PLCL1: variants seen among roughly 807,000 people sequenced by gnomAD.
PLCL1 encodes phospholipase C like 1 (inactive), also known as inactive phospholipase C-like protein 1.
PLCL1 carries 41 observed loss-of-function variants against 84.4 expected under a neutral mutation model. That is an observed-to-expected ratio of 0.49 (90% confidence interval 0.38 to 0.63). The LOEUF (loss-of-function observed/expected upper bound fraction) is 0.63, where lower values mean the gene tolerates loss of function less well. Ranked by LOEUF, PLCL1 falls within the 30% of genes least tolerant of loss-of-function variation. The pLI is 0.00. For synonymous variants in PLCL1, 490 were observed against 488.3 expected (o/e 1.00, Z -0.05); for missense variants, 1,206 against 1,367.8 (o/e 0.88, Z 1.87).
intron 1 of PLCL1, among the ~76,000 whole-genome samples, chr2:198,030,500 C>T (rs546352404): frequency 1.3e-5 from 2 of 152,078 alleles, no homozygotes; most frequent in East Asian, 1.9e-4. Context: ...GGGGTTTTTA[C>T]GAGCCTTCCC....
At chr2:197,893,997 G>A (rs1025797267) in intron 1 of PLCL1, among the ~76,000 whole-genome samples, 1 of 151,908 alleles carries the variant, frequency 6.6e-6, no homozygotes, top group Non-Finnish European at 1.5e-5. Flanking sequence ...AGCTCTGGGA[G>A]AAGGGTGATG....
Position 198,088,914 on chromosome 2 carries a change from G to A in PLCL1, c.2772G>A (p.Lys924=), listed in dbSNP as rs1692951192. 1 of 1,612,984 alleles carries A rather than the reference G, an allele frequency of 6.2e-7. No individual in the cohort carries two copies. Among genetic ancestry groups the A allele is most frequent in the Non-Finnish European group, 8.5e-7 (1 of 1,179,052 alleles). Residue 924 remains lysine (K), a synonymous_variant, in exon 3 of 6, where the codon AAG becomes AAA. Transcript: ENST00000428675. ...LCGLPPIASL[K]QCLLTLSSRL... ...GACTCCCTCCAATTGCCAGTCTGAA[G>A]CAGTGCCTGTTAACTCTGTCATCTC...
In PLCL1 at chr2:198,085,859, C is replaced by G; in HGVS notation, c.2342C>G (p.Thr781Ser). Residue 781 changes from threonine (T) to serine (S), a missense_variant, in exon 2 of 6, where the codon ACT becomes AGT. Coordinates refer to ENST00000428675, the MANE Select transcript of PLCL1 (RefSeq NM_006226.4). This position sits in a 1 kb window ranked among gnomAD's most constrained non-coding sequence, Gnocchi z 5.3. ...QNSDNPIFDE[T>S]FEFQVNLPEL... Reference sequence around the variant, plus strand: ...AGTGATAATCCTATTTTTGATGAAACTTTTGAGTTCCAAGTAAACCTACCT... The same window carrying G: ...AGTGATAATCCTATTTTTGATGAAAGTTTTGAGTTCCAAGTAAACCTACCT... The G allele has an allele frequency of 1.2e-6, 2 of 1,614,094 alleles. No individual in the cohort carries two copies. The highest frequency in any genetic ancestry group is 8.5e-7 in the Non-Finnish European group (1 of 1,179,976).
intron 1 of PLCL1, among the ~76,000 whole-genome samples, chr2:197,837,471 GGA>G (rs1299910503): frequency 1.3e-5 from 2 of 152,206 alleles, no homozygotes; most frequent in Non-Finnish European, 2.9e-5. Context: ...AAGGACATCA[GGA>G]GTATGTTAGA....
chr2:198,016,483 G>C (rs1264299302), intron 1 of PLCL1, among the ~76,000 whole-genome samples: 1 of 152,196 alleles, frequency 6.6e-6, no homozygotes, highest in Non-Finnish European at 1.5e-5. Flanking sequence ...AGTGGCTGCA[G>C]TCTAGTGGAA....
rs11270566 is a variant in PLCL1, at chr2:197,890,701, T to TATATATATACAC, written c.240+85363_240+85364insTATATATACACA. On this transcript the variant is annotated intron_variant, in intron 1 of 5. Coordinates refer to ENST00000428675, the MANE Select transcript of PLCL1 (RefSeq NM_006226.4). ...TTTTTGCTATATATATATATATATA[T>TATATATATACAC]ACACACACACATATACGTATATATG... Among the ~76,000 whole-genome samples, 143 of 118,558 alleles carry TATATATATACAC rather than the reference T, an allele frequency of 1.2e-3. 1 individual carries two copies. Among genetic ancestry groups the TATATATATACAC allele is most frequent in the African/African-American group, 4.8e-3 (127 of 26,216 alleles). 77.8% of individuals were successfully genotyped at this position (118,558 alleles called of 152,430 possible). A position where few individuals can be genotyped will look rare whatever the true frequency, so the allele number is the denominator to read the frequency against.
At chr2:197,880,208 A>G (rs1255675587) in intron 1 of PLCL1, among the ~76,000 whole-genome samples, 1 of 152,198 alleles carries the variant, frequency 6.6e-6, no homozygotes, top group African/African-American at 2.4e-5. Flanking sequence ...TGAGCAGAGC[A>G]GTGATCTAAT....
chr2:198,108,184 G>A (rs1311242455), intron 5 of PLCL1, among the ~76,000 whole-genome samples: 4 of 151,844 alleles, frequency 2.6e-5, no homozygotes, highest in Non-Finnish European at 4.4e-5. Flanking sequence ...TTGTTTATAA[G>A]TTTAGTAGAT....
intron 1 of PLCL1, among the ~76,000 whole-genome samples, chr2:197,842,358 T>C (rs115467512): frequency 0.018 from 2,774 of 152,224 alleles, 80 homozygotes; most frequent in African/African-American, 0.063. Flanking sequence ...GGTGGACAGC[T>C]GACATTCTGA....
At chr2:197,829,103 C>T (rs558279217) in intron 1 of PLCL1, among the ~76,000 whole-genome samples, 1 of 152,214 alleles carries the variant, frequency 6.6e-6, no homozygotes, top group African/African-American at 2.4e-5. Context: ...GTTTTTAGTA[C>T]AATTTAGGCA....
At chr2:197,905,545 T>G (rs181939657) in intron 1 of PLCL1, among the ~76,000 whole-genome samples, 2 of 152,248 alleles carry the variant, frequency 1.3e-5, no homozygotes, top group Non-Finnish European at 2.9e-5. Context: ...TAAATAGTGC[T>G]GCAGTAAGCA....
intron 1 of PLCL1, among the ~76,000 whole-genome samples, chr2:197,916,067 A>G (rs1688593447): frequency 6.6e-6 from 1 of 152,188 alleles, no homozygotes; most frequent in African/African-American, 2.4e-5. Flanking sequence ...TGTCCTAACC[A>G]TTAAATTCTT....
chr2:197,958,111 G>A (rs891159361), intron 1 of PLCL1, among the ~76,000 whole-genome samples: 1 of 151,900 alleles, frequency 6.6e-6, no homozygotes, highest in African/African-American at 2.4e-5. Context: ...TTTATTAGCT[G>A]ATAACAACTC....
chr2:198,129,921 TG>T (rs1694078964), intron 5 of PLCL1, among the ~76,000 whole-genome samples: 1 of 152,172 alleles, frequency 6.6e-6, no homozygotes, highest in Non-Finnish European at 1.5e-5. Context: ...CAAAATCTCA[TG>T]GACACTTTTC....
At chr2:198,032,897 T>C (rs973573717) in intron 1 of PLCL1, among the ~76,000 whole-genome samples, 9 of 152,118 alleles carry the variant, frequency 5.9e-5, no homozygotes, top group African/African-American at 1.9e-4. Context: ...CATCAGGAAA[T>C]TGGGAATTTG....
At position 198,083,855 on chromosome 2, in the gene PLCL1, G is replaced by A; in HGVS notation, c.338G>A (p.Ser113Asn). ...KKISSANDCI[S>N]FMQAGCELKK... is the part of the protein sequence containing the mutation. The stretch of plus-strand genomic sequence containing the variant: ...ATTAGCAGTGCAAATGACTGCATCA[G>A]CTTCATGCAAGCTGGCTGTGAGTTG... The change falls in exon 2 of 6, where the codon AGC (serine) becomes AAC (asparagine). Residue 113 changes from serine to asparagine, a missense_variant. By Grantham distance (46) the Ser-to-Asn change is conservative (BLOSUM62 1). Coordinates refer to ENST00000428675, the MANE Select transcript of PLCL1 (RefSeq NM_006226.4). 6.2e-7 allele frequency: 1 copy of A among 1,614,036 alleles called. No homozygotes were observed. Among genetic ancestry groups the A allele is most frequent in the African/African-American group, 1.3e-5 (1 of 75,046 alleles).
At chr2:198,055,329 C>G (rs2119168) in intron 1 of PLCL1, among the ~76,000 whole-genome samples, 42,013 of 111,710 alleles carry the variant, frequency 0.38, 8,326 homozygotes, top group Middle Eastern at 0.58. Context: ...CTCTCTCTCT[C>G]TGTGTGTGTG....
intron 1 of PLCL1, among the ~76,000 whole-genome samples, chr2:197,821,369 A>G (rs1690811705): frequency 6.6e-6 from 1 of 152,172 alleles, no homozygotes; most frequent in African/African-American, 2.4e-5. Flanking sequence ...CTTTCATCTG[A>G]TGGGAGGCTA....
chr2:198,046,577 C>T lies in PLCL1; in HGVS notation c.241-37181C>T, dbSNP rs182382797. Among the ~76,000 whole-genome samples, 581 of 152,292 alleles carry T rather than the reference C, an allele frequency of 3.8e-3. 5 individuals are homozygous for T. The highest frequency in any genetic ancestry group is 0.013 in the African/African-American group (556 of 41,554). ...CCCTTTTCAGGCTCAGTGGCTCATACCTGTAATCCCAGCAGTTTGGGAGGC... is the reference window on the plus strand; with the variant it reads ...CCCTTTTCAGGCTCAGTGGCTCATATCTGTAATCCCAGCAGTTTGGGAGGC... On this transcript the variant is annotated intron_variant, in intron 1 of 5. Coordinates refer to ENST00000428675, the MANE Select transcript of PLCL1 (RefSeq NM_006226.4).
Sources: allele counts gnomAD v4.1 joint callset (sites outside exome capture counted in the v4.1 genomes callset), GRCh38; gene constraint gnomAD v4.1.1; non-coding constraint Gnocchi (gnomAD v3.1); transcripts MANE v1.5; gene names NCBI Gene and HGNC (gene_info 2026-07-23, HGNC 2026-07-21).